The following SPMIP2 variants were observed in gnomAD, a reference collection of about 807,000 sequenced individuals.
The protein encoded by SPMIP2 is sperm microtubule inner protein 2.
At chr4:158,947,265 T>C in the SPMIP2 span, among the ~76,000 whole-genome samples, 5 of 151,900 alleles carry the variant, frequency 3.3e-5, no homozygotes, top group Admixed American at 3.3e-4. Flanking sequence ...GGAAAACAAC[T>C]CCAAGAAAAA....
At chr4:158,978,442 A>C in the SPMIP2 span, among the ~76,000 whole-genome samples, 1 of 152,230 alleles carries the variant, frequency 6.6e-6, no homozygotes, top group African/African-American at 2.4e-5. Context: ...TGCTTCATCC[A>C]GAGCTGAATT....
At chr4:158,994,073 G>C in the SPMIP2 span, among the ~76,000 whole-genome samples, 1 of 152,160 alleles carries the variant, frequency 6.6e-6, no homozygotes, top group Non-Finnish European at 1.5e-5. Context: ...CACTCAGCAC[G>C]ATGTAGATGG....
chr4:159,050,234 T>C, the SPMIP2 span, among the ~76,000 whole-genome samples: 1 of 149,518 alleles, frequency 6.7e-6, no homozygotes, highest in African/African-American at 2.5e-5. Flanking sequence ...GAAATGTGCT[T>C]CCTGATAACT....
At chr4:158,912,609 C>T in the SPMIP2 span, among the ~76,000 whole-genome samples, 4 of 152,180 alleles carry the variant, frequency 2.6e-5, no homozygotes, top group African/African-American at 7.2e-5. Context: ...AGGCTTTTCA[C>T]ATGTGGTATT....
chr4:158,953,908 C>T, the SPMIP2 span, among the ~76,000 whole-genome samples: 34 of 152,206 alleles, frequency 2.2e-4, no homozygotes, highest in African/African-American at 7.5e-4. Context: ...GCTGTATTTA[C>T]CCATTACCTG....
chr4:158,950,933 T>C, the SPMIP2 span, among the ~76,000 whole-genome samples: 1 of 152,022 alleles, frequency 6.6e-6, no homozygotes, highest in South Asian at 2.1e-4. Context: ...GGAGGGTCTG[T>C]GGGAATGTTA....
At chr4:159,062,772 T>C in the SPMIP2 span, among the ~76,000 whole-genome samples, 1 of 142,584 alleles carries the variant, frequency 7.0e-6, no homozygotes, top group Non-Finnish European at 1.5e-5. Flanking sequence ...CACTACAACC[T>C]CCGCCTTCCA....
the SPMIP2 span, among the ~76,000 whole-genome samples, chr4:159,081,032 CTT>C: frequency 8.0e-5 from 11 of 137,344 alleles, no homozygotes; most frequent in Middle Eastern, 4.2e-3. Flanking sequence ...CTCTTTGTTT[CTT>C]TCTCTTTTTT....
At chr4:158,938,999 C>T in the SPMIP2 span, among the ~76,000 whole-genome samples, 5 of 152,178 alleles carry the variant, frequency 3.3e-5, no homozygotes, top group African/African-American at 4.8e-5. Flanking sequence ...GGAAGGTCTT[C>T]CAATTCCAAC....
chr4:158,895,821 G>A, the SPMIP2 span: 1 of 1,613,300 alleles, frequency 6.2e-7, no homozygotes, highest in Non-Finnish European at 8.5e-7. Flanking sequence ...AATATCTCCG[G>A]GGACACACAC....
At chr4:159,068,225 G>A in the SPMIP2 span, among the ~76,000 whole-genome samples, 1 of 152,236 alleles carries the variant, frequency 6.6e-6, no homozygotes, top group Admixed American at 6.5e-5. Context: ...GTTTATTGAG[G>A]CACTATTCAC....
the SPMIP2 span, among the ~76,000 whole-genome samples, chr4:158,903,090 G>A: frequency 6.6e-6 from 1 of 152,190 alleles, no homozygotes; most frequent in Non-Finnish European, 1.5e-5. Context: ...CCAGTTTTGT[G>A]CTTGAAACCC....
chr4:158,893,707 T>A, the SPMIP2 span: 1 of 1,588,386 alleles, frequency 6.3e-7, no homozygotes, highest in Non-Finnish European at 8.6e-7. Context: ...TAGAGGTTAA[T>A]GTTTCCTTTT....
At chr4:159,066,970 T>C in the SPMIP2 span, among the ~76,000 whole-genome samples, 3 of 152,168 alleles carry the variant, frequency 2.0e-5, no homozygotes, top group Non-Finnish European at 4.4e-5. Flanking sequence ...GGTTTGTTGA[T>C]TTACACTATC....
At chr4:158,985,354 C>A in the SPMIP2 span, among the ~76,000 whole-genome samples, 1 of 146,204 alleles carries the variant, frequency 6.8e-6, no homozygotes, top group Non-Finnish European at 1.5e-5. Context: ...AGACCAATAT[C>A]CTTGATGAAC....
the SPMIP2 span, among the ~76,000 whole-genome samples, chr4:159,056,404 T>C: frequency 6.6e-6 from 1 of 152,064 alleles, no homozygotes; most frequent in Non-Finnish European, 1.5e-5. Flanking sequence ...GGAATGTCAG[T>C]GCATATAAAA....
the SPMIP2 span, among the ~76,000 whole-genome samples, chr4:159,051,482 G>A: frequency 6.6e-6 from 1 of 152,176 alleles, no homozygotes; most frequent in Admixed American, 6.5e-5. Flanking sequence ...TATTGTGTCT[G>A]AATTACTAAA....
chr4:158,951,018 T>C, the SPMIP2 span, among the ~76,000 whole-genome samples: 1 of 152,242 alleles, frequency 6.6e-6, no homozygotes, highest in Admixed American at 6.5e-5. Flanking sequence ...TGTTTCCTAC[T>C]GTGAGCAGCC....
the SPMIP2 span, among the ~76,000 whole-genome samples, chr4:158,939,838 C>CAA: frequency 1.3e-5 from 2 of 152,090 alleles, no homozygotes; most frequent in African/African-American, 4.8e-5. Flanking sequence ...GACTCTGTCT[C>CAA]AAAAACAAAA....
Sources: gnomAD v4.1 joint callset for allele counts (sites outside exome capture counted in the v4.1 genomes callset) on GRCh38, gnomAD v4.1.1 for gene constraint, MANE v1.5 for transcripts, NCBI Gene and HGNC (gene_info 2026-07-23, HGNC 2026-07-21) for gene names.